MMP26: variants seen among roughly 807,000 people sequenced by gnomAD.
MMP26 encodes the protein matrix metalloproteinase-26.
MMP26 carries 33 observed loss-of-function variants against 31.0 expected under a neutral mutation model. The ratio of observed to expected loss-of-function variants is 1.06; its 90% CI spans 0.81 to 1.42. MMP26 has a LOEUF of 1.42. Ranked by LOEUF, MMP26 falls within the 40% of genes most tolerant of loss-of-function variation. The probability of loss-of-function intolerance (pLI) is 0.00; values close to 1 mark genes in which losing one functional copy is unlikely to be tolerated. For missense variants in MMP26, 347 were observed against 316.1 expected (o/e 1.10, Z -0.74); for synonymous variants, 122 against 114.9 (o/e 1.06, Z -0.40).
chr11:4,726,419 G>A (rs979935956), intron 1 of MMP26, among the ~76,000 whole-genome samples: 3 of 151,570 alleles, frequency 2.0e-5, no homozygotes, highest in African/African-American at 4.9e-5. Context: ...CCGAGATCAC[G>A]CCACCGCACT....
chr11:4,988,663 T>A (rs1403213787), intron 3 of MMP26, among the ~76,000 whole-genome samples: 2 of 152,046 alleles, frequency 1.3e-5, no homozygotes, highest in African/African-American at 2.4e-5. Context: ...AGGGAAATCA[T>A]TCAAATAAAT....
At chr11:4,882,122 C>G in intron 2 of MMP26, 1 of 1,613,912 alleles carries the variant, frequency 6.2e-7, no homozygotes, top group Non-Finnish European at 8.5e-7. Flanking sequence ...TGATCTATGT[C>G]TGACCATTAC....
chr11:4,895,737 A>T (rs1416012356), intron 2 of MMP26, among the ~76,000 whole-genome samples: 1 of 152,210 alleles, frequency 6.6e-6, no homozygotes, highest in Non-Finnish European at 1.5e-5. Context: ...CAGCCTGGGC[A>T]ACATAGGGAG....
intron 2 of MMP26, among the ~76,000 whole-genome samples, chr11:4,886,106 A>G (rs767116788): frequency 3.3e-5 from 5 of 152,060 alleles, no homozygotes; most frequent in Non-Finnish European, 5.9e-5. Flanking sequence ...ATTTCCTATT[A>G]CTTAACACTT....
chr11:4,808,835 G>C (rs1045875936), intron 2 of MMP26, among the ~76,000 whole-genome samples: 2 of 150,018 alleles, frequency 1.3e-5, no homozygotes, highest in African/African-American at 4.9e-5. Flanking sequence ...GATGGGGACT[G>C]TTGACAGGTG....
intron 2 of MMP26, chr11:4,821,342 A>G (rs1335960479): frequency 1.4e-6 from 2 of 1,455,700 alleles, no homozygotes; most frequent in Non-Finnish European, 9.5e-7. Context: ...GAAGTGCCAG[A>G]GAGATGTTAC....
intron 2 of MMP26, among the ~76,000 whole-genome samples, chr11:4,932,926 C>A (rs1851371310): frequency 6.6e-6 from 1 of 152,116 alleles, no homozygotes; most frequent in South Asian, 2.1e-4. Flanking sequence ...AATAAAAGTT[C>A]ATTGCCTTGT....
At chr11:4,759,801 C>T (rs938518705) in intron 1 of MMP26, among the ~76,000 whole-genome samples, 8 of 152,288 alleles carry the variant, frequency 5.3e-5, no homozygotes, top group Middle Eastern at 3.4e-3. Flanking sequence ...TTTGCACATG[C>T]GTTGTTTCTC....
At chr11:4,851,287 G>A (rs1334970109) in intron 2 of MMP26, among the ~76,000 whole-genome samples, 1 of 152,142 alleles carries the variant, frequency 6.6e-6, no homozygotes, top group Non-Finnish European at 1.5e-5. Flanking sequence ...GGCAGCTTCC[G>A]TGATTTGGAG....
intron 1 of MMP26, among the ~76,000 whole-genome samples, chr11:4,727,233 C>CATGCATA: frequency 6.6e-6 from 1 of 152,104 alleles, no homozygotes; most frequent in African/African-American, 2.4e-5. Context: ...GGTAACATCC[C>CATGCATA]ATGCATACTG....
At chr11:4,737,053 G>A (rs1848250478) in intron 1 of MMP26, 1 of 152,518 alleles carries the variant, frequency 6.6e-6, no homozygotes, top group African/African-American at 2.4e-5. Flanking sequence ...TGGAACTCCA[G>A]TCAGGAAAAA....
At chr11:4,902,563 C>T (rs527891884) in intron 2 of MMP26, among the ~76,000 whole-genome samples, 6 of 152,236 alleles carry the variant, frequency 3.9e-5, no homozygotes, top group African/African-American at 1.4e-4. Context: ...TTGTTTGACA[C>T]ACTTTTTAGT....
intron 2 of MMP26, chr11:4,804,561 T>C: frequency 1.3e-6 from 1 of 776,122 alleles, no homozygotes. Flanking sequence ...TGTTACAACA[T>C]GACATGATGT....
chr11:4,707,774 A>C (rs1041489671), intron 1 of MMP26, among the ~76,000 whole-genome samples: 7 of 152,176 alleles, frequency 4.6e-5, no homozygotes, highest in African/African-American at 1.7e-4. Flanking sequence ...GTTTATCACT[A>C]TTTTCAGAAG....
At chr11:4,769,198 G>A (rs1564905090) in intron 2 of MMP26, 3 of 1,614,000 alleles carry the variant, frequency 1.9e-6, no homozygotes, top group Non-Finnish European at 2.5e-6. Flanking sequence ...CACAGGTGCT[G>A]AAGACCTTGT....
intron 2 of MMP26, among the ~76,000 whole-genome samples, chr11:4,942,089 C>CAAAAAAAAAAAA (rs201626472): frequency 2.2e-4 from 8 of 37,128 alleles, no homozygotes; most frequent in East Asian, 6.7e-4. Context: ...GAGTCCATCT[C>CAAAAAAAAAAAA]AAAAAAAAAA....
In MMP26 at chr11:4,899,621, CT is replaced by C. The variant is rs145410035; in HGVS notation, c.-144-88446del. ...TACCAAGAGACAACCAGTCAGCTAT[CT>C]GGGTACTGAACATATTCTTCCATTC... On this transcript the variant is annotated intron_variant, in intron 2 of 7. Coordinates refer to ENST00000380390, the MANE Select transcript of MMP26 (RefSeq NM_021801.5). 5.4e-3 allele frequency among the ~76,000 whole-genome samples: 818 copies of C among 152,238 alleles called. 13 individuals are homozygous for C. The highest frequency in any genetic ancestry group is 0.019 in the African/African-American group (772 of 41,548).
Position 4,923,679 on chromosome 11 carries a change from C to T in MMP26, c.-144-64389C>T, listed in dbSNP as rs754142789. On this transcript the variant is annotated intron_variant, in intron 2 of 7. Coordinates refer to ENST00000380390, the MANE Select transcript of MMP26 (RefSeq NM_021801.5). ...CTGAGCACGGTGCGAAGGATGAGGG[C>T]GTATGAGAGAAAGATGAGCAGGGAG... 51 of 1,613,556 alleles carry T rather than the reference C, an allele frequency of 3.2e-5. No homozygotes were observed. In the East Asian group the frequency reaches 4.5e-4, roughly 14 times the overall value.
intron 2 of MMP26, among the ~76,000 whole-genome samples, chr11:4,986,511 ATTTTTTTTTTTTTTTTTT>A (rs58016783): frequency 4.1e-4 from 13 of 31,636 alleles, no homozygotes; most frequent in South Asian, 2.1e-3. Flanking sequence ...TGCCCAGTCG[ATTTTTTTTTTTTTTTTTT>A]TTTTTTTTTT....
Sources: gnomAD v4.1 joint callset for allele counts (sites outside exome capture counted in the v4.1 genomes callset) on GRCh38, gnomAD v4.1.1 for gene constraint, MANE v1.5 for transcripts, NCBI Gene and HGNC (gene_info 2026-07-23, HGNC 2026-07-21) for gene names.